Variants in RGS20 observed in about 807,000 individuals in gnomAD.
RGS20 encodes the protein regulator of G protein signaling 20.
RGS20 carries 30 observed loss-of-function variants against 33.6 expected under a neutral mutation model. The ratio of observed to expected loss-of-function variants is 0.89; its 90% CI spans 0.67 to 1.21. RGS20 has a LOEUF of 1.21. RGS20 is among the 50% of genes most tolerant of loss of function. RGS20 has a pLI of 0.00. For missense variants in RGS20, 472 were observed against 502.4 expected (o/e 0.94, Z 0.58); for synonymous variants, 208 against 197.9 (o/e 1.05, Z -0.43).
chr8:53,946,565 A>T (rs773833373), intron 3 of RGS20, 100 bp from the exon 3 acceptor site: 12 of 1,005,230 alleles, frequency 1.2e-5, no homozygotes, highest in Non-Finnish European at 1.9e-5. Flanking sequence ...AAGAAATTCT[A>T]TTAATACTTG....
chr8:53,929,454 G>A (rs1813894389), intron 2 of RGS20, among the ~76,000 whole-genome samples: 1 of 152,162 alleles, frequency 6.6e-6, no homozygotes, highest in Non-Finnish European at 1.5e-5. Flanking sequence ...GCTGAGGCGG[G>A]TGGATAACCT....
intron 2 of RGS20, among the ~76,000 whole-genome samples, chr8:53,911,412 A>G (rs1813342759): frequency 6.6e-6 from 1 of 152,254 alleles, no homozygotes; most frequent in Non-Finnish European, 1.5e-5. Flanking sequence ...AGGATAGAAA[A>G]GCCCAAACCA....
chr8:53,939,515 G>A (rs1345590887), intron 2 of RGS20, 61 bp from the exon 2 acceptor site: 1 of 1,418,982 alleles, frequency 7.0e-7, no homozygotes, highest in Non-Finnish European at 9.3e-7. Context: ...GACTCCCTGG[G>A]CTTACGCCTT....
At chr8:53,934,118 C>T (rs536739643) in intron 2 of RGS20, among the ~76,000 whole-genome samples, 3 of 152,174 alleles carry the variant, frequency 2.0e-5, no homozygotes, top group South Asian at 2.1e-4. Context: ...GTACTACACA[C>T]GGAAAGGAAA....
chr8:53,879,938 C>T (rs753017190), intron 2 of RGS20: 2 of 292,864 alleles, frequency 6.8e-6, no homozygotes, highest in Non-Finnish European at 1.3e-5. Context: ...CTCCGAGCCT[C>T]CCCCAAACGC....
At chr8:53,914,842 A>AT (rs1434599193) in intron 2 of RGS20, 1 of 151,888 alleles carries the variant, frequency 6.6e-6, no homozygotes, top group Non-Finnish European at 1.5e-5. Context: ...AAGAAAAAAA[A>AT]TTTTTTTAAT....
chr8:53,922,121 C>A (rs1325579760), intron 2 of RGS20, among the ~76,000 whole-genome samples: 2 of 152,024 alleles, frequency 1.3e-5, no homozygotes, highest in African/African-American at 4.8e-5. Context: ...TTACTGTTAT[C>A]ATTGAATTGT....
intron 2 of RGS20, among the ~76,000 whole-genome samples, chr8:53,898,798 G>T (rs1812934862): frequency 6.6e-6 from 1 of 152,228 alleles, no homozygotes; most frequent in East Asian, 1.9e-4. Flanking sequence ...ATGTTGAAAA[G>T]ACTATAAATA....
intron 2 of RGS20, among the ~76,000 whole-genome samples, chr8:53,924,283 G>A (rs548332790): frequency 4.0e-5 from 6 of 151,898 alleles, no homozygotes; most frequent in East Asian, 3.9e-4. Context: ...TCCGCCTCCC[G>A]GGTTCAAGAG....
chr8:53,946,819 T>C, intron 4 of RGS20, 71 bp downstream of exon 3: 1 of 1,323,390 alleles, frequency 7.6e-7, no homozygotes. Flanking sequence ...CTTTGCCTTG[T>C]ATGTTTCAAC....
At chr8:53,943,820 C>T (rs1022121998) in intron 3 of RGS20, among the ~76,000 whole-genome samples, 3 of 152,080 alleles carry the variant, frequency 2.0e-5, no homozygotes, top group African/African-American at 7.2e-5. Flanking sequence ...ACAAAAGAAG[C>T]CTCGGAAGTC....
At chr8:53,954,625 T>C (rs1456918853) in intron 5 of RGS20, among the ~76,000 whole-genome samples, 1 of 151,334 alleles carries the variant, frequency 6.6e-6, no homozygotes, top group Non-Finnish European at 1.5e-5. Context: ...GATTGTGCCA[T>C]TGCACTCCAG....
rs528782746 is a variant in RGS20, at chr8:53,879,295, C to T, written c.203C>T (p.Ala68Val). ...GCACAGCTCCCAGACTCGCCCGCCGCCCCGAAGCTGTTCGGCCTCCTTTCT... is the reference window on the plus strand; with the variant it reads ...GCACAGCTCCCAGACTCGCCCGCCGTCCCGAAGCTGTTCGGCCTCCTTTCT... Residue 68 changes from alanine (A) to valine (V), a missense_variant, in exon 2 of 6, where the codon GCC (alanine) becomes GTC (valine). Around this residue, in one of 3 missense-constraint regions of RGS20, gnomAD observed 319 missense variants for 283.4 expected, o/e 1.13. Transcript: ENST00000297313. 2 of 1,613,752 alleles carry T rather than the reference C, an allele frequency of 1.2e-6. No individual in the cohort carries two copies. Among genetic ancestry groups the T allele is most frequent in the Admixed American group, 1.7e-5 (1 of 60,018 alleles).
chr8:53,893,797 C>A (rs1311842084), intron 2 of RGS20, among the ~76,000 whole-genome samples: 2 of 152,064 alleles, frequency 1.3e-5, no homozygotes, highest in African/African-American at 4.8e-5. Context: ...AACATCATAA[C>A]CAGACCACAT....
Position 53,939,722 on chromosome 8 carries a change from G to GT in RGS20, c.658dup (p.Cys220LeufsTer5). On this transcript the variant is annotated frameshift_variant and splice_region_variant, in exon 3 of 6. Transcript: ENST00000297313. LOFTEE classifies it high-confidence loss of function. ...GCTGGTGCTGCTGTTGTAGCTGCTC[G>GT]TGGTAAGGTTTGGGGCTTTTTAATG... 6.4e-7 allele frequency: 1 copy of GT among 1,553,814 alleles called. No homozygotes were observed. The highest frequency in any genetic ancestry group is 8.7e-7 in the Non-Finnish European group (1 of 1,148,002).
intron 1 of RGS20, among the ~76,000 whole-genome samples, chr8:53,854,172 G>A (rs2129265750): frequency 6.6e-6 from 1 of 152,090 alleles, no homozygotes; most frequent in East Asian, 1.9e-4. Context: ...GGTAGGGCTA[G>A]GTGAAGAATA....
chr8:53,858,552 G>A (rs867187030), intron 1 of RGS20, among the ~76,000 whole-genome samples: 3 of 151,714 alleles, frequency 2.0e-5, no homozygotes, highest in Non-Finnish European at 4.4e-5. Flanking sequence ...ATACCCGAAA[G>A]AAAGCATAAT....
chr8:53,957,959 C>T (rs1477889678), intron 5 of RGS20, among the ~76,000 whole-genome samples: 1 of 151,918 alleles, frequency 6.6e-6, no homozygotes, highest in South Asian at 2.1e-4. Flanking sequence ...CCAACCAACA[C>T]GGAGAAACCC....
chr8:53,943,303 A>C (rs1585947090), intron 3 of RGS20, among the ~76,000 whole-genome samples: 1 of 152,296 alleles, frequency 6.6e-6, no homozygotes, highest in South Asian at 2.1e-4. Flanking sequence ...TTTCAAGAAA[A>C]GTAAATGGCA....
Sources: allele counts gnomAD v4.1 joint callset (sites outside exome capture counted in the v4.1 genomes callset), GRCh38; gene constraint gnomAD v4.1.1; regional missense constraint gnomAD v4.1.1; transcripts MANE v1.5; gene names NCBI Gene and HGNC (gene_info 2026-07-23, HGNC 2026-07-21).